Variants in CACNA1C observed in about 807,000 individuals in gnomAD.
CACNA1C encodes calcium voltage-gated channel subunit alpha1 C, also known as voltage-dependent L-type calcium channel subunit alpha-1C.
In CACNA1C, 30 loss-of-function variants were observed where a neutral mutation model predicts 229.0. The ratio of observed to expected loss-of-function variants is 0.13; its 90% CI spans 0.10 to 0.18. CACNA1C has a LOEUF of 0.18. CACNA1C is among the 10% of genes least tolerant of loss of function. The pLI, the probability that CACNA1C is intolerant of heterozygous loss-of-function variation, is 1.00. For missense variants in CACNA1C, 1,658 were observed against 2,845.0 expected, an observed-to-expected ratio of 0.58 and a Z score of 9.49; for synonymous variants, 1,114 against 1,132.5, an observed-to-expected ratio of 0.98 and a Z score of 0.33.
intron 1 of CACNA1C, among the ~76,000 whole-genome samples, chr12:2,065,010 A>G (rs953581823): frequency 1.3e-5 from 2 of 152,124 alleles, no homozygotes; most frequent in African/African-American, 2.4e-5. Context: ...ATTTAATCCA[A>G]CCGACTATTA....
chr12:2,505,739 C>G (rs755525509), intron 8 of CACNA1C, among the ~76,000 whole-genome samples: 6 of 152,142 alleles, frequency 3.9e-5, no homozygotes, highest in South Asian at 2.1e-4. Context: ...AGGATATTTC[C>G]TCAACCCACT....
chr12:2,097,197 G>C (rs896773084), intron 1 of CACNA1C, among the ~76,000 whole-genome samples: 2 of 152,190 alleles, frequency 1.3e-5, no homozygotes, highest in African/African-American at 2.4e-5. Flanking sequence ...CCAGGCTGGA[G>C]TGCAGTGGCG....
intron 3 of CACNA1C, among the ~76,000 whole-genome samples, chr12:2,123,748 T>G (rs551849851): frequency 6.6e-6 from 1 of 152,324 alleles, no homozygotes; most frequent in Admixed American, 6.5e-5. Context: ...GAATCCAGTC[T>G]TGGAGATTGT....
intron 1 of CACNA1C, among the ~76,000 whole-genome samples, chr12:2,105,974 G>T (rs2078295194): frequency 7.1e-5 from 3 of 42,358 alleles, no homozygotes; most frequent in Admixed American, 2.3e-4. Context: ...TTCCACCTCA[G>T]CTGGGGCGTC....
chr12:2,164,905 G>A (rs1231505216), intron 3 of CACNA1C, among the ~76,000 whole-genome samples: 2 of 152,234 alleles, frequency 1.3e-5, no homozygotes, highest in East Asian at 1.9e-4. Flanking sequence ...TTGAAGTGGG[G>A]AGGGGAAAGA....
intron 38 of CACNA1C, among the ~76,000 whole-genome samples, chr12:2,670,223 T>C (rs968537764): frequency 1.3e-5 from 2 of 152,128 alleles, no homozygotes; most frequent in African/African-American, 4.8e-5. Flanking sequence ...AGCAGTATGC[T>C]TCCTTCCCCT....
At chr12:2,409,042 T>C (rs1443663228) in intron 3 of CACNA1C, among the ~76,000 whole-genome samples, 2 of 152,234 alleles carry the variant, frequency 1.3e-5, no homozygotes, top group African/African-American at 2.4e-5. Context: ...ATCCTACTTA[T>C]GCTGATCCTT....
intron 39 of CACNA1C, chr12:2,676,730 T>TAA: frequency 1.2e-5 from 2 of 167,906 alleles, no homozygotes; most frequent in Non-Finnish European, 2.5e-5. Context: ...TCAGTTCAGT[T>TAA]AAAAAAAAAA....
chr12:2,224,962 G>T (rs2062543256), intron 3 of CACNA1C, among the ~76,000 whole-genome samples: 1 of 152,126 alleles, frequency 6.6e-6, no homozygotes, highest in African/African-American at 2.4e-5. Context: ...CCAAATTTTT[G>T]CAGGACCGCA....
chr12:2,482,592 C>T (rs2099680704), intron 5 of CACNA1C, among the ~76,000 whole-genome samples: 1 of 152,196 alleles, frequency 6.6e-6, no homozygotes, highest in South Asian at 2.1e-4. Context: ...CTTCAGAACG[C>T]GCTCATCAAG....
At chr12:2,301,613 T>C (rs1461222329) in intron 3 of CACNA1C, among the ~76,000 whole-genome samples, 3 of 152,194 alleles carry the variant, frequency 2.0e-5, no homozygotes, top group African/African-American at 7.2e-5. Flanking sequence ...TAGAGCCCTA[T>C]GTGGCCTGCA....
chr12:2,169,323 T>C (rs776662540), intron 3 of CACNA1C, among the ~76,000 whole-genome samples: 18 of 152,210 alleles, frequency 1.2e-4, no homozygotes, highest in Non-Finnish European at 2.4e-4. Context: ...TATTGTCTTA[T>C]ATGGCTCTCA....
intron 5 of CACNA1C, among the ~76,000 whole-genome samples, chr12:2,458,013 A>G (rs2099451550): frequency 6.6e-6 from 1 of 152,206 alleles, no homozygotes; most frequent in Non-Finnish European, 1.5e-5. Flanking sequence ...ATGGGGATTT[A>G]AATACATTTT....
chr12:2,208,545 T>G (rs2097825863), intron 3 of CACNA1C, among the ~76,000 whole-genome samples: 1 of 152,134 alleles, frequency 6.6e-6, no homozygotes, highest in South Asian at 2.1e-4. Context: ...GGCATAAATC[T>G]GCTATGCAGT....
intron 3 of CACNA1C, among the ~76,000 whole-genome samples, chr12:2,261,227 G>A (rs2080051373): frequency 6.7e-6 from 1 of 149,906 alleles, no homozygotes; most frequent in Admixed American, 6.6e-5. Flanking sequence ...GCGAGACTCC[G>A]TCTCAAAAAA....
At chr12:2,480,562 G>A (rs1165273029) in intron 5 of CACNA1C, among the ~76,000 whole-genome samples, 1 of 152,218 alleles carries the variant, frequency 6.6e-6, no homozygotes, top group East Asian at 1.9e-4. Flanking sequence ...CTCATGGCCT[G>A]TAGAGCTTAG....
intron 3 of CACNA1C, among the ~76,000 whole-genome samples, chr12:2,344,417 A>G (rs1419155303): frequency 6.6e-6 from 1 of 152,160 alleles, no homozygotes; most frequent in Non-Finnish European, 1.5e-5. Context: ...GAGAGGTAGG[A>G]ACATGCCTAG....
At chr12:2,417,191 C>T (rs1346696872) in intron 3 of CACNA1C, among the ~76,000 whole-genome samples, 2 of 152,176 alleles carry the variant, frequency 1.3e-5, no homozygotes, top group African/African-American at 4.8e-5. Context: ...TAAAAGTGGC[C>T]GTTTCCATGC....
chr12:2,432,218 C>T (rs1043979357), intron 3 of CACNA1C, among the ~76,000 whole-genome samples: 2 of 152,138 alleles, frequency 1.3e-5, no homozygotes, highest in Admixed American at 6.5e-5. Context: ...CAGAGCAGAG[C>T]CTGATTTGGA....
Sources: allele counts gnomAD v4.1 joint callset (sites outside exome capture counted in the v4.1 genomes callset), GRCh38; gene constraint gnomAD v4.1.1; transcripts MANE v1.5; gene names NCBI Gene and HGNC (gene_info 2026-07-23, HGNC 2026-07-21).